The following SPEN variants were observed in gnomAD, a reference collection of about 807,000 sequenced individuals.
SPEN encodes the protein msx2-interacting protein.
SPEN carries 18 observed loss-of-function variants against 269.9 expected under a neutral mutation model. The ratio of observed to expected loss-of-function variants is 0.07; its 90% CI spans 0.05 to 0.10. The LOEUF is 0.10. Ranked by LOEUF, SPEN falls within the 10% of genes least tolerant of loss-of-function variation. The pLI, the probability that SPEN is intolerant of heterozygous loss-of-function variation, is 1.00. For synonymous variants in SPEN, 1,726 were observed against 1,765.7 expected, an observed-to-expected ratio of 0.98 and a Z score of 0.56; for missense variants, 3,822 against 4,631.2, an observed-to-expected ratio of 0.83 and a Z score of 5.07.
At position 15,932,446 on chromosome 1, in the gene SPEN, C is replaced by T. The variant is rs1375827370; in HGVS notation, c.6206C>T (p.Pro2069Leu). ...PVEVVEKKPA[P>L]EKNSKSKRGR... Reference sequence around the variant, plus strand: ...GAAGTTGTAGAGAAAAAACCGGCCCCTGAAAAAAACTCCAAATCAAAGAGA... The same window carrying T: ...GAAGTTGTAGAGAAAAAACCGGCCCTTGAAAAAAACTCCAAATCAAAGAGA... The change falls in exon 11 of 15, where the codon CCT (proline) becomes CTT (leucine). Residue 2069 changes from proline to leucine, a missense_variant. Pro to Leu is a moderately conservative substitution (Grantham distance 98). Transcript: ENST00000375759. This position sits in a 1 kb window ranked among gnomAD's most constrained non-coding sequence, Gnocchi z 4.2. The T allele has an allele frequency of 1.9e-6, 3 of 1,612,594 alleles. No homozygotes were observed. In the African/African-American group the frequency reaches 4.0e-5, roughly 22 times the overall value.
chr1:15,902,357 A>C (rs12406344), intron 3 of SPEN, among the ~76,000 whole-genome samples: 16,141 of 152,248 alleles, frequency 0.11, 1,233 homozygotes, highest in Admixed American at 0.23. Context: ...ACAGATACAC[A>C]GTTGAAATAG....
chr1:15,854,538 A>AATGGTGCAATGGTGCAATG (rs2070366963), intron 1 of SPEN, among the ~76,000 whole-genome samples: 1 of 151,898 alleles, frequency 6.6e-6, no homozygotes, highest in Non-Finnish European at 1.5e-5. Flanking sequence ...CCCAGGCTGG[A>AATGGTGCAATGGTGCAATG]GTGCAATGGT....
rs1247212404 is a variant in SPEN, at chr1:15,931,984, A to AGC, written c.5744_5745insGC (p.Asn1916GlnfsTer15). ...GTCTATGCAACCATGGGTGACCATG[A>AGC]AAACCGCTCTCCTGTCAAAGAGCCC... On this transcript the variant is annotated frameshift_variant, in exon 11 of 15. Coordinates refer to ENST00000375759, the MANE Select transcript of SPEN (RefSeq NM_015001.3). LOFTEE classifies it high-confidence loss of function. The surrounding 1 kb of genome is among the most constrained non-coding windows in gnomAD (Gnocchi z 4.8). The AGC allele has an allele frequency of 6.2e-7, 1 of 1,614,242 alleles. No individual in the cohort carries two copies. The highest frequency in any genetic ancestry group is 8.5e-7 in the Non-Finnish European group (1 of 1,180,042).
At chr1:15,885,799 C>G (rs1459711800) in intron 3 of SPEN, among the ~76,000 whole-genome samples, 2 of 152,062 alleles carry the variant, frequency 1.3e-5, no homozygotes, top group Non-Finnish European at 2.9e-5. Flanking sequence ...AAGAAATACA[C>G]CAAAAAAACC....
intron 8 of SPEN, among the ~76,000 whole-genome samples, chr1:15,919,752 A>G (rs1443154375): frequency 6.6e-6 from 1 of 152,264 alleles, no homozygotes; most frequent in Non-Finnish European, 1.5e-5. Context: ...CTATTCTCAT[A>G]GTATAAATAG....
At chr1:15,927,546 T>A (rs1037332022) in intron 10 of SPEN, among the ~76,000 whole-genome samples, 1 of 152,186 alleles carries the variant, frequency 6.6e-6, no homozygotes, top group East Asian at 1.9e-4. Flanking sequence ...TTCTAAACAG[T>A]GGATTTATTT....
intron 3 of SPEN, among the ~76,000 whole-genome samples, chr1:15,897,464 G>T (rs1405609698): frequency 6.6e-6 from 1 of 151,892 alleles, no homozygotes; most frequent in Admixed American, 6.6e-5. Flanking sequence ...CTGGGTTCAA[G>T]CGATTCTCCT....
intron 5 of SPEN, 132 bp from the exon 6 acceptor site, chr1:15,915,996 T>C: frequency 9.7e-7 from 1 of 1,032,860 alleles, no homozygotes; most frequent in South Asian, 2.0e-5. Context: ...GTTTATGATA[T>C]TTCAGTTTAT....
At chr1:15,890,564 T>A (rs2070779296) in intron 3 of SPEN, among the ~76,000 whole-genome samples, 1 of 151,100 alleles carries the variant, frequency 6.6e-6, no homozygotes, top group Non-Finnish European at 1.5e-5. Context: ...TCAGGTTTTT[T>A]TTTTTTTTTT....
At chr1:15,881,856 A>G (rs2070689961) in intron 3 of SPEN, among the ~76,000 whole-genome samples, 1 of 152,220 alleles carries the variant, frequency 6.6e-6, no homozygotes, top group Non-Finnish European at 1.5e-5. Context: ...ACAACTTGTG[A>G]AACTGTGACA....
In SPEN at chr1:15,937,267, C is replaced by T. The variant is rs776493278; in HGVS notation, c.10131C>T (p.Pro3377=). The change falls in exon 12 of 15, where the codon CCC becomes CCT. Residue 3377 remains proline, a synonymous_variant. Coordinates refer to ENST00000375759, the MANE Select transcript of SPEN (RefSeq NM_015001.3). The surrounding 1 kb of genome is among the most constrained non-coding windows in gnomAD (Gnocchi z 5.7). The part of the protein sequence containing the change: ...PPCPPSQLGQ[P]GQPPSSKMPQ... Reference sequence around the variant, plus strand: ...GCCCGCCCTCCCAGCTCGGTCAGCCCGGCCAGCCACCAAGCAGCAAGATGC... The same window carrying T: ...GCCCGCCCTCCCAGCTCGGTCAGCCTGGCCAGCCACCAAGCAGCAAGATGC... 8 of 1,613,742 alleles carry T rather than the reference C, an allele frequency of 5.0e-6. 1 individual carries two copies. In the South Asian group the frequency reaches 5.5e-5, roughly 11 times the overall value.
intron 3 of SPEN, among the ~76,000 whole-genome samples, chr1:15,891,908 A>T (rs2070792888): frequency 1.3e-5 from 2 of 148,276 alleles, no homozygotes; most frequent in South Asian, 4.2e-4. Flanking sequence ...GGTTTTTTTA[A>T]AAAAAAAAAA....
intron 1 of SPEN, among the ~76,000 whole-genome samples, chr1:15,860,338 C>G (rs2070432132): frequency 6.7e-6 from 1 of 150,370 alleles, no homozygotes; most frequent in Non-Finnish European, 1.5e-5. Context: ...CCAGGCTCAT[C>G]AAGTGACCCT....
rs1365142347 is a variant in SPEN, at chr1:15,876,455, T to C, written c.658T>C (p.Tyr220His). The part of the protein sequence containing the change: ...TLPSVVHRDI[Y>H]RDDITREVRG... ...GCCCAGTGTGGTACACAGGGATATCTACAGGGATGATATTACCCGGGAGGT... is the reference window on the plus strand; with the variant it reads ...GCCCAGTGTGGTACACAGGGATATCCACAGGGATGATATTACCCGGGAGGT... Residue 220 changes from tyrosine to histidine, a missense_variant, in exon 3 of 15, where the codon TAC becomes CAC. Around this residue, in one of 16 missense-constraint regions of SPEN, gnomAD observed 327 missense variants for 350.8 expected, o/e 0.93. Coordinates refer to ENST00000375759, the MANE Select transcript of SPEN (RefSeq NM_015001.3). The C allele has an allele frequency of 6.2e-7, 1 of 1,613,988 alleles. No homozygotes were observed. The highest frequency in any genetic ancestry group is 8.5e-7 in the Non-Finnish European group (1 of 1,180,032).
chr1:15,848,494 G>C lies in SPEN; in HGVS notation c.83+344G>C, dbSNP rs2148698583. ...CGGTGGGAGATGCGCTGGGCGGCGG[G>C]GTCGCGTCCTTGCGCGCAGTGCCCG... On this transcript the variant is annotated intron_variant, in intron 1 of 14. Transcript: ENST00000375759. This position sits in a 1 kb window ranked among gnomAD's most constrained non-coding sequence, Gnocchi z 5.1. Among the ~76,000 whole-genome samples, 1 of 152,042 alleles carries C rather than the reference G, an allele frequency of 6.6e-6. No individual in the cohort carries two copies. Among genetic ancestry groups the C allele is most frequent in the East Asian group, 1.9e-4 (1 of 5,170 alleles).
At chr1:15,920,048 A>G (rs1464509547) in intron 8 of SPEN, among the ~76,000 whole-genome samples, 1 of 149,070 alleles carries the variant, frequency 6.7e-6, no homozygotes, top group Non-Finnish European at 1.5e-5. Context: ...ACCCTTGACA[A>G]TGCTTTTTTT....
At chr1:15,903,238 C>T (rs192748558) in intron 3 of SPEN, among the ~76,000 whole-genome samples, 8 of 152,060 alleles carry the variant, frequency 5.3e-5, no homozygotes, top group African/African-American at 1.9e-4. Context: ...ATATTCTGTT[C>T]GTTTATTAAG....
Position 15,861,320 on chromosome 1 carries a change from C to T in SPEN, c.84-11496C>T, listed in dbSNP as rs376100734. 6.6e-5 allele frequency among the ~76,000 whole-genome samples: 10 copies of T among 151,892 alleles called. No homozygotes were observed. The East Asian group carries it at 1.4e-3, about 21-fold the overall frequency. The stretch of plus-strand genomic sequence containing the variant: ...CTAATTTTTGTATTTTTAGTAGTAA[C>T]GGGGTTTCAGTATGTTGGCCAGGCT... On this transcript the variant is annotated intron_variant, in intron 1 of 14. Coordinates refer to ENST00000375759, the MANE Select transcript of SPEN (RefSeq NM_015001.3).
intron 1 of SPEN, among the ~76,000 whole-genome samples, chr1:15,861,537 A>G (rs1208271123): frequency 6.6e-6 from 1 of 152,194 alleles, no homozygotes; most frequent in African/African-American, 2.4e-5. Context: ...ACTGAAAAGT[A>G]AGTCCTAAGG....
Sources: allele counts gnomAD v4.1 joint callset (sites outside exome capture counted in the v4.1 genomes callset), GRCh38; gene constraint gnomAD v4.1.1; regional missense constraint gnomAD v4.1.1; non-coding constraint Gnocchi (gnomAD v3.1); transcripts MANE v1.5; gene names NCBI Gene and HGNC (gene_info 2026-07-23, HGNC 2026-07-21).